Variants in NCAPG2 observed in about 807,000 individuals in gnomAD.
The protein encoded by NCAPG2 is condensin-2 complex subunit G2.
In NCAPG2, 53 loss-of-function variants were observed where a neutral mutation model predicts 141.1. That is an observed-to-expected ratio of 0.38 (90% confidence interval 0.30 to 0.47). NCAPG2 has a LOEUF of 0.47. NCAPG2 is among the 20% of genes least tolerant of loss of function. The pLI is 0.99. For synonymous variants in NCAPG2, 499 were observed against 490.7 expected (o/e 1.02, Z -0.22); for missense variants, 1,087 against 1,389.0 (o/e 0.78, Z 3.46).
intron 13 of NCAPG2, chr7:158,668,539 T>A: frequency 1.5e-6 from 1 of 689,470 alleles, no homozygotes; most frequent in Non-Finnish European, 1.8e-6. Context: ...TATTTCAAAA[T>A]AGTCCGGCAG....
Position 158,666,718 on chromosome 7 carries a change from G to C in NCAPG2, c.1480-1968C>G, listed in dbSNP as rs536222319. 5.3e-5 allele frequency among the ~76,000 whole-genome samples: 8 copies of C among 151,770 alleles called. No homozygotes were observed. In the East Asian group the frequency reaches 1.4e-3, roughly 26 times the overall value. ...AAGGCAGGAGGATCGCTTGAGGCCA[G>C]GATTTTGACGCCACCCTGGGCAACA... On this transcript the variant is annotated intron_variant, in intron 13 of 27. Coordinates refer to ENST00000356309, the MANE Select transcript of NCAPG2 (RefSeq NM_017760.7).
chr7:158,656,807 T>A, intron 17 of NCAPG2, 102 bp from the exon 18 acceptor site: 1 of 1,340,404 alleles, frequency 7.5e-7, no homozygotes, highest in Non-Finnish European at 1.0e-6. Flanking sequence ...TGACGGTGCA[T>A]AAGCCCTTGT....
intron 16 of NCAPG2, among the ~76,000 whole-genome samples, chr7:158,660,028 C>G (rs1463503279): frequency 6.6e-6 from 1 of 151,082 alleles, no homozygotes; most frequent in Non-Finnish European, 1.5e-5. Flanking sequence ...AGGAAAATGG[C>G]GTGAACCCGG....
At chr7:158,660,223 G>A (rs1000272381) in intron 16 of NCAPG2, among the ~76,000 whole-genome samples, 1 of 151,978 alleles carries the variant, frequency 6.6e-6, no homozygotes, top group African/African-American at 2.4e-5. Flanking sequence ...CCTTAGTGGT[G>A]GAGAGACTTC....
intron 16 of NCAPG2, among the ~76,000 whole-genome samples, chr7:158,661,254 T>C (rs571907807): frequency 6.6e-6 from 1 of 152,304 alleles, no homozygotes; most frequent in African/African-American, 2.4e-5. Flanking sequence ...AGAGTAACAT[T>C]TAGGAAGAGA....
At chr7:158,653,203 A>T (rs1414877609) in intron 22 of NCAPG2, among the ~76,000 whole-genome samples, 3 of 151,892 alleles carry the variant, frequency 2.0e-5, no homozygotes. Context: ...TCTACTAAAA[A>T]TACAAAAATT....
intron 13 of NCAPG2, among the ~76,000 whole-genome samples, chr7:158,669,706 T>C (rs965277729): frequency 7.5e-6 from 1 of 132,458 alleles, no homozygotes; most frequent in African/African-American, 2.9e-5. Context: ...GAGGCGGAGG[T>C]TGCAGTAAGG....
chr7:158,689,394 G>A (rs1834987153), intron 6 of NCAPG2, among the ~76,000 whole-genome samples: 1 of 152,112 alleles, frequency 6.6e-6, no homozygotes, highest in Admixed American at 6.5e-5. Flanking sequence ...AGGACGGGCA[G>A]TGCAGCAACA....
At chr7:158,686,851 A>T (rs1215792256) in intron 7 of NCAPG2, among the ~76,000 whole-genome samples, 1 of 152,176 alleles carries the variant, frequency 6.6e-6, no homozygotes, top group Non-Finnish European at 1.5e-5. Context: ...TAAATTTTAA[A>T]ATGGAGACTA....
At chr7:158,673,401 C>T (rs1833866784) in intron 12 of NCAPG2, among the ~76,000 whole-genome samples, 1 of 152,220 alleles carries the variant, frequency 6.6e-6, no homozygotes, top group Admixed American at 6.5e-5. Context: ...CCCTCGCCAT[C>T]AGCATGCTTG....
chr7:158,660,039 G>A (rs978292063), intron 16 of NCAPG2, among the ~76,000 whole-genome samples: 1 of 151,826 alleles, frequency 6.6e-6, no homozygotes, highest in East Asian at 1.9e-4. Flanking sequence ...GTGAACCCGG[G>A]AGGCGAGGCT....
chr7:158,653,457 C>G (rs902699213), intron 22 of NCAPG2, among the ~76,000 whole-genome samples: 7 of 151,526 alleles, frequency 4.6e-5, no homozygotes, highest in African/African-American at 1.7e-4. Context: ...TACTCTTAAA[C>G]TTTAGATCTG....
At chr7:158,679,631 G>A (rs1479378091) in intron 11 of NCAPG2, among the ~76,000 whole-genome samples, 1 of 152,182 alleles carries the variant, frequency 6.6e-6, no homozygotes, top group Admixed American at 6.5e-5. Context: ...GCAGGGGGCT[G>A]ACACCAGAGC....
chr7:158,701,768 C>T (rs1163423850), intron 2 of NCAPG2, 54 bp downstream of exon 2: 1 of 1,443,466 alleles, frequency 6.9e-7, no homozygotes, highest in African/African-American at 1.4e-5. Flanking sequence ...GACTTTAGAA[C>T]ATATTTCATA....
At position 158,687,299 on chromosome 7, in the gene NCAPG2, C is replaced by T. The variant is rs750840015; in HGVS notation, c.767+49G>A. 17 of 1,356,812 alleles carry T rather than the reference C, an allele frequency of 1.3e-5. No homozygotes were observed. The South Asian group carries it at 2.1e-4, about 17-fold the overall frequency. The allele number at this position is 1,356,812 out of a possible 1,614,324, so 84.0% of individuals were successfully genotyped here. ...AGAAGTCAGACCAAATGGAATCTTT[C>T]AAAACCAGATTAAGACAGCACAAAA... On this transcript the variant is annotated intron_variant, in intron 7 of 27. Transcript: ENST00000356309.
At chr7:158,650,152 C>T (rs991096220) in intron 24 of NCAPG2, among the ~76,000 whole-genome samples, 5 of 152,184 alleles carry the variant, frequency 3.3e-5, no homozygotes, top group Non-Finnish European at 5.9e-5. Context: ...CTCCCGGGTT[C>T]AAGACTGCCT....
rs1391834556 is a variant in NCAPG2, at chr7:158,667,293, T to A, written c.1480-2543A>T. 2 of 764,306 alleles carry A rather than the reference T, an allele frequency of 2.6e-6. 1 individual carries two copies. The allele number at this position is 764,306 out of a possible 1,614,324, so 47.3% of individuals were successfully genotyped here. The stretch of plus-strand genomic sequence containing the variant: ...CTCCGCCTCCCTCAGAGACCCTGTG[T>A]CCCTCCTCCACCCTTAGCCGCTACT... On this transcript the variant is annotated intron_variant, in intron 13 of 27. Transcript: ENST00000356309.
intron 26 of NCAPG2, 21 bp from the exon 27 acceptor site, chr7:158,644,409 G>C: frequency 1.9e-6 from 3 of 1,577,884 alleles, no homozygotes; most frequent in Non-Finnish European, 2.6e-6. Flanking sequence ...TATATTAAAA[G>C]ACAGAAAAGA....
chr7:158,690,863 G>T (rs1020048948), intron 4 of NCAPG2, 141 bp from the exon 5 acceptor site: 4 of 707,216 alleles, frequency 5.7e-6, no homozygotes, highest in Admixed American at 7.2e-5. Context: ...ACTTGCCAAA[G>T]ATTTATATAC....
Sources: allele counts gnomAD v4.1 joint callset (sites outside exome capture counted in the v4.1 genomes callset), GRCh38; gene constraint gnomAD v4.1.1; transcripts MANE v1.5; gene names NCBI Gene and HGNC (gene_info 2026-07-23, HGNC 2026-07-21).